USP45: variants seen among roughly 807,000 people sequenced by gnomAD.
USP45 encodes the protein ubiquitin specific peptidase 45, also known as ubiquitin carboxyl-terminal hydrolase 45.
A neutral mutation model predicts 95.8 loss-of-function variants in USP45; 89 were observed. The ratio of observed to expected loss-of-function variants is 0.93; its 90% confidence interval spans 0.78 to 1.11. The LOEUF is 1.11. Among genes scored for constraint, USP45 ranks in the 50% least tolerant of loss-of-function variants. USP45 has a pLI of 0.00. For missense variants in USP45, 898 were observed against 942.5 expected, an observed-to-expected ratio of 0.95 and a Z score of 0.62; for synonymous variants, 281 against 316.2, an observed-to-expected ratio of 0.89 and a Z score of 1.18.
intron 9 of USP45, among the ~76,000 whole-genome samples, chr6:99,471,210 G>A (rs1014088572): frequency 2.6e-5 from 4 of 152,142 alleles, no homozygotes; most frequent in Admixed American, 1.3e-4. Context: ...TCAAGTTGAG[G>A]AAAATAAATG....
chr6:99,504,635 A>T (rs1159731676), intron 4 of USP45, among the ~76,000 whole-genome samples: 1 of 152,146 alleles, frequency 6.6e-6, no homozygotes, highest in African/African-American at 2.4e-5. Flanking sequence ...GAAGTGTCAA[A>T]ATAACTGCCA....
chr6:99,500,915 T>A (rs1183665404), intron 5 of USP45, among the ~76,000 whole-genome samples: 1 of 152,208 alleles, frequency 6.6e-6, no homozygotes, highest in Non-Finnish European at 1.5e-5. Flanking sequence ...CATTACTGTC[T>A]CATTAGGGTG....
intron 13 of USP45, among the ~76,000 whole-genome samples, chr6:99,450,927 C>CA (rs1457486828): frequency 6.6e-6 from 1 of 152,130 alleles, no homozygotes; most frequent in Non-Finnish European, 1.5e-5. Context: ...GAACCAAAGA[C>CA]AAAAACCACA....
At chr6:99,444,814 T>G (rs1782177272) in intron 14 of USP45, among the ~76,000 whole-genome samples, 1 of 152,236 alleles carries the variant, frequency 6.6e-6, no homozygotes, top group Non-Finnish European at 1.5e-5. Context: ...TGCTTCCCTG[T>G]GTGGTCCTGT....
chr6:99,493,063 C>T (rs1795540672), intron 5 of USP45, among the ~76,000 whole-genome samples: 1 of 151,690 alleles, frequency 6.6e-6, no homozygotes, highest in African/African-American at 2.4e-5. Context: ...GAGTCTCATT[C>T]TGTTGCCCAG....
chr6:99,485,521 A>G (rs1793664475), intron 7 of USP45, among the ~76,000 whole-genome samples: 1 of 152,156 alleles, frequency 6.6e-6, no homozygotes, highest in Non-Finnish European at 1.5e-5. Context: ...AAACTAATCT[A>G]TCCTGTTAGA....
chr6:99,481,599 C>T (rs1395442997), intron 8 of USP45, among the ~76,000 whole-genome samples: 3 of 152,080 alleles, frequency 2.0e-5, no homozygotes, highest in Non-Finnish European at 2.9e-5. Flanking sequence ...GTCCGGAGTA[C>T]GAATGATCCC....
At chr6:99,487,408 C>T (rs1794168814) in intron 7 of USP45, among the ~76,000 whole-genome samples, 1 of 152,078 alleles carries the variant, frequency 6.6e-6, no homozygotes, top group African/African-American at 2.4e-5. Flanking sequence ...ACTGTTGGTG[C>T]CAGGCCAGCT....
At chr6:99,508,481 C>T in intron 3 of USP45, 129 bp downstream of exon 3, 1 of 964,394 alleles carries the variant, frequency 1.0e-6, no homozygotes, top group African/African-American at 1.7e-5. Flanking sequence ...AAGTTCATTC[C>T]TGGAAAATTT....
rs116913842 is a variant in USP45 at position 99,500,874 on chromosome 6, C to T, written c.478+2891G>A. On this transcript the variant is annotated intron_variant, in intron 5 of 17. Coordinates refer to ENST00000500704, the MANE Select transcript of USP45 (RefSeq NM_001346022.3). ...ACTGCTGTCCAGGAGCCTGAGTTTA[C>T]CTTCTCTGGTTCCTCCTCCAGTTCC... 2.2e-3 allele frequency among the ~76,000 whole-genome samples: 328 copies of T among 152,260 alleles called. 1 individual carries two copies. Among genetic ancestry groups the T allele is most frequent in the Non-Finnish European group, 3.5e-3 (239 of 68,024 alleles).
At chr6:99,444,556 G>A (rs553381012) in intron 14 of USP45, among the ~76,000 whole-genome samples, 9 of 152,170 alleles carry the variant, frequency 5.9e-5, no homozygotes, top group Middle Eastern at 3.4e-3. Flanking sequence ...AGCCCAGAGC[G>A]CATACCCCAA....
In USP45 at chr6:99,507,471, C is replaced by T. The variant is rs1416494652; in HGVS notation, c.334G>A (p.Glu112Lys). 1 of 1,612,940 alleles carries T rather than the reference C, an allele frequency of 6.2e-7. No individual in the cohort carries two copies. Among genetic ancestry groups the T allele is most frequent in the Non-Finnish European group, 8.5e-7 (1 of 1,179,548 alleles). Residue 112 changes from glutamate (E) to lysine (K), a missense_variant, in exon 4 of 18, where the codon GAG becomes AAG. Transcript: ENST00000500704. The stretch of plus-strand genomic sequence containing the variant: ...AGATTAATTATAATACAATGGGGCT[C>T]TGTTCTGGAACTCTTAAAGTGCTTC... The part of the protein sequence containing the change: ...SLKHFKSSRT[E>K]PHCIIINLST...
At chr6:99,440,736 C>A (rs1045889698) in intron 15 of USP45, among the ~76,000 whole-genome samples, 12 of 151,662 alleles carry the variant, frequency 7.9e-5, no homozygotes, top group African/African-American at 2.9e-4. Context: ...TTTGTTTTTT[C>A]AAGTGATCTT....
chr6:99,496,712 T>G (rs1365171336), intron 5 of USP45, among the ~76,000 whole-genome samples: 3 of 152,134 alleles, frequency 2.0e-5, no homozygotes, highest in Non-Finnish European at 4.4e-5. Context: ...TAAAAGACTA[T>G]TAAAGTGAGA....
chr6:99,494,969 A>G (rs2128752447), intron 5 of USP45, among the ~76,000 whole-genome samples: 1 of 152,314 alleles, frequency 6.6e-6, no homozygotes, highest in East Asian at 1.9e-4. Flanking sequence ...AGCAAATTTT[A>G]GGTGAATATC....
chr6:99,441,447 AC>A (rs1228082160), intron 15 of USP45, among the ~76,000 whole-genome samples: 3 of 151,844 alleles, frequency 2.0e-5, no homozygotes, highest in African/African-American at 7.2e-5. Context: ...CAGGAGAATC[AC>A]TTGAACCCAG....
intron 8 of USP45, among the ~76,000 whole-genome samples, chr6:99,477,230 G>A (rs568510530): frequency 2.5e-4 from 38 of 152,266 alleles, no homozygotes; most frequent in African/African-American, 9.1e-4. Flanking sequence ...GAAAATCGAA[G>A]AACAAGCTAA....
At chr6:99,496,395 C>T (rs560497433) in intron 5 of USP45, among the ~76,000 whole-genome samples, 3 of 151,486 alleles carry the variant, frequency 2.0e-5, no homozygotes, top group Non-Finnish European at 4.4e-5. Flanking sequence ...CCACCACTTA[C>T]TTTCTTATTT....
intron 15 of USP45, among the ~76,000 whole-genome samples, chr6:99,442,381 AG>A (rs1357355528): frequency 6.6e-6 from 1 of 152,222 alleles, no homozygotes; most frequent in Non-Finnish European, 1.5e-5. Flanking sequence ...GGAAGAATTC[AG>A]AACTTAATCT....
Sources: gnomAD v4.1 joint callset for allele counts (sites outside exome capture counted in the v4.1 genomes callset) on GRCh38, gnomAD v4.1.1 for gene constraint, MANE v1.5 for transcripts, NCBI Gene and HGNC (gene_info 2026-07-23, HGNC 2026-07-21) for gene names.